Variants in FOXP2 observed in about 807,000 individuals in gnomAD.
FOXP2 encodes forkhead box protein P2.
FOXP2 carries 12 observed loss-of-function variants against 115.8 expected under a neutral mutation model. The ratio of observed to expected loss-of-function variants is 0.10; its 90% CI spans 0.07 to 0.17. The LOEUF is 0.17. Ranked by LOEUF, FOXP2 falls within the 10% of genes least tolerant of loss-of-function variation. The probability of loss-of-function intolerance (pLI) is 1.00; values close to 1 mark genes in which losing one functional copy is unlikely to be tolerated. For missense variants in FOXP2, 629 were observed against 843.5 expected (o/e 0.75, Z 3.15); for synonymous variants, 328 against 297.7 (o/e 1.10, Z -1.05).
intron 1 of FOXP2, among the ~76,000 whole-genome samples, chr7:114,110,125 C>A (rs1004170291): frequency 4.6e-5 from 7 of 152,116 alleles, no homozygotes; most frequent in African/African-American, 1.4e-4. Flanking sequence ...ATAATTACAG[C>A]CAGAAGGGCT....
chr7:114,587,156 C>T (rs1029792792), intron 3 of FOXP2, among the ~76,000 whole-genome samples: 2 of 151,592 alleles, frequency 1.3e-5, no homozygotes, highest in Non-Finnish European at 2.9e-5. Flanking sequence ...GTTTGCTGCA[C>T]CTATTAACCT....
intron 13 of FOXP2, among the ~76,000 whole-genome samples, chr7:114,660,901 C>T (rs908817394): frequency 1.3e-5 from 2 of 152,092 alleles, no homozygotes; most frequent in African/African-American, 2.4e-5. Flanking sequence ...CAGCAAAACT[C>T]ATTCTGAACA....
At chr7:114,651,381 T>C (rs7787510) in intron 8 of FOXP2, among the ~76,000 whole-genome samples, 15,227 of 152,134 alleles carry the variant, frequency 0.1, 1,569 homozygotes, top group African/African-American at 0.27. Context: ...AGACATTATG[T>C]ATTACAAATT....
Position 114,452,005 on chromosome 7 carries a change from A to G in FOXP2, c.168+25326A>G, listed in dbSNP as rs561061943. ...ATAAGCTGAAATTGGAATTCCTTAA[A>G]CTTTCTTATTTTTCTTTTCTAACCC... On this transcript the variant is annotated intron_variant, in intron 2 of 16. Coordinates refer to ENST00000350908, the MANE Select transcript of FOXP2 (RefSeq NM_014491.4). Among the ~76,000 whole-genome samples the G allele has an allele frequency of 4.6e-5, 7 of 151,964 alleles. No homozygotes were observed. The South Asian group carries it at 8.3e-4, about 18-fold the overall frequency.
chr7:114,378,613 G>GT (rs1486141692), intron 2 of FOXP2, among the ~76,000 whole-genome samples: 1 of 138,416 alleles, frequency 7.2e-6, no homozygotes, highest in African/African-American at 2.7e-5. Context: ...GAGTCCAAGA[G>GT]TTTAAGGCTG....
intron 2 of FOXP2, among the ~76,000 whole-genome samples, chr7:114,331,706 C>T (rs1229403674): frequency 3.3e-5 from 5 of 150,250 alleles, no homozygotes; most frequent in Admixed American, 6.7e-5. Context: ...CTCACTCTGT[C>T]GCCCAGGCTG....
chr7:114,289,498 A>T (rs565232721), intron 2 of FOXP2, among the ~76,000 whole-genome samples: 1 of 151,988 alleles, frequency 6.6e-6, no homozygotes, highest in South Asian at 2.1e-4. Flanking sequence ...CTCTATCTTT[A>T]TATAGCCTTT....
At chr7:114,388,507 G>T (rs1440185222) in intron 2 of FOXP2, among the ~76,000 whole-genome samples, 1 of 151,490 alleles carries the variant, frequency 6.6e-6, no homozygotes, top group East Asian at 1.9e-4. Context: ...TGATCCTGTT[G>T]TCTCCTTACC....
At chr7:114,602,676 C>CA (rs1803091712) in intron 3 of FOXP2, among the ~76,000 whole-genome samples, 1 of 152,076 alleles carries the variant, frequency 6.6e-6, no homozygotes, top group Non-Finnish European at 1.5e-5. Context: ...ATGGAGACAA[C>CA]AAAATCTTAA....
At chr7:114,656,712 T>C (rs1242934353) in intron 10 of FOXP2, 2 of 220,220 alleles carry the variant, frequency 9.1e-6, no homozygotes, top group Non-Finnish European at 9.6e-6. Flanking sequence ...CAGTCGTTAT[T>C]ATTAGACTGC....
chr7:114,212,122 A>AATAAAATAAAATAAATAT (rs67192679), intron 1 of FOXP2, among the ~76,000 whole-genome samples: 1 of 131,016 alleles, frequency 7.6e-6, no homozygotes, highest in Non-Finnish European at 1.6e-5. Context: ...AATAAAATAA[A>AATAAAATAAAATAAATAT]ATATATATAT....
intron 2 of FOXP2, among the ~76,000 whole-genome samples, chr7:114,342,985 G>A (rs1443536261): frequency 6.6e-6 from 1 of 151,446 alleles, no homozygotes; most frequent in Admixed American, 6.6e-5. Context: ...GATGATATAA[G>A]CTAATTTTAA....
At chr7:114,439,158 C>A (rs939472221) in intron 2 of FOXP2, among the ~76,000 whole-genome samples, 5 of 152,070 alleles carry the variant, frequency 3.3e-5, no homozygotes, top group Non-Finnish European at 7.4e-5. Flanking sequence ...TCCAAGATGA[C>A]CTTGGATAAG....
At chr7:114,175,134 G>T (rs990035842) in intron 1 of FOXP2, among the ~76,000 whole-genome samples, 10 of 151,220 alleles carry the variant, frequency 6.6e-5, no homozygotes, top group Non-Finnish European at 1.3e-4. Context: ...TTTTTCAAAC[G>T]CAAACTACTT....
intron 1 of FOXP2, among the ~76,000 whole-genome samples, chr7:114,267,373 A>C (rs1250856042): frequency 6.6e-6 from 1 of 152,150 alleles, no homozygotes; most frequent in African/African-American, 2.4e-5. Context: ...TTAGCCTAAA[A>C]ATATCTTATT....
At chr7:114,368,441 C>T (rs1006094984) in intron 2 of FOXP2, among the ~76,000 whole-genome samples, 2 of 152,112 alleles carry the variant, frequency 1.3e-5, no homozygotes, top group African/African-American at 4.8e-5. Flanking sequence ...ATCACTGTGC[C>T]AAATGGCCCT....
At chr7:114,095,466 T>C (rs560309584) in intron 1 of FOXP2, among the ~76,000 whole-genome samples, 6 of 152,158 alleles carry the variant, frequency 3.9e-5, no homozygotes, top group Admixed American at 2.6e-4. Context: ...TTTTTTTTTT[T>C]CAGCTGTCTT....
At chr7:114,504,195 T>A (rs774997503) in intron 2 of FOXP2, among the ~76,000 whole-genome samples, 1 of 151,702 alleles carries the variant, frequency 6.6e-6, no homozygotes, top group East Asian at 1.9e-4. Context: ...TTTTCTAATT[T>A]ACTTGTCAAA....
intron 1 of FOXP2, among the ~76,000 whole-genome samples, chr7:114,098,194 T>C (rs1428476199): frequency 1.3e-5 from 2 of 152,056 alleles, no homozygotes; most frequent in East Asian, 3.9e-4. Flanking sequence ...TGGCCAGGGG[T>C]TTGTTTTTTT....
Sources: gnomAD v4.1 joint callset for allele counts (sites outside exome capture counted in the v4.1 genomes callset) on GRCh38, gnomAD v4.1.1 for gene constraint, MANE v1.5 for transcripts, NCBI Gene and HGNC (gene_info 2026-07-23, HGNC 2026-07-21) for gene names.